Variants in SEMA3E observed in about 807,000 individuals in gnomAD.
SEMA3E encodes the protein semaphorin-3E.
Under a neutral mutation model 93.6 loss-of-function variants are expected in SEMA3E, and 49 were observed. The ratio of observed to expected loss-of-function variants is 0.52; its 90% CI spans 0.42 to 0.66. SEMA3E has a LOEUF of 0.66. Among genes scored for constraint, SEMA3E ranks in the 30% least tolerant of loss-of-function variants. The pLI is 0.00. For missense variants in SEMA3E, 906 were observed against 964.8 expected (o/e 0.94, Z 0.81); for synonymous variants, 363 against 330.7 (o/e 1.10, Z -1.06).
rs192893824 is a variant in SEMA3E at position 83,455,790 on chromosome 7, T to C, written c.456+10692A>G. 2.5e-3 allele frequency among the ~76,000 whole-genome samples: 381 copies of C among 152,372 alleles called. 1 individual carries two copies. The highest frequency in any genetic ancestry group is 8.7e-3 in the African/African-American group (361 of 41,588). On this transcript the variant is annotated intron_variant, in intron 4 of 16. Transcript: ENST00000643230. Reference sequence around the variant, plus strand: ...CAGGGCCGCATGGCAAGGAACTGCATGTGACCCCTAGGAGTTGACAGCAGC... The same window carrying C: ...CAGGGCCGCATGGCAAGGAACTGCACGTGACCCCTAGGAGTTGACAGCAGC...
At chr7:83,454,889 T>G (rs543698094) in intron 4 of SEMA3E, among the ~76,000 whole-genome samples, 1 of 152,348 alleles carries the variant, frequency 6.6e-6, no homozygotes, top group South Asian at 2.1e-4. Context: ...TACAAGCAAC[T>G]GGAAGACATC....
Position 83,496,203 on chromosome 7 carries a change from C to T in SEMA3E, c.116-5929G>A, listed in dbSNP as rs547518988. Among the ~76,000 whole-genome samples, 263 of 151,922 alleles carry T rather than the reference C, an allele frequency of 1.7e-3. 2 individuals carry two copies. Among genetic ancestry groups the T allele is most frequent in the African/African-American group, 5.7e-3 (238 of 41,490 alleles). ...GTCAGTGTTGGTGACAAAATTTGAA[C>T]GACAGAAGTTGACTGGAGAGCTTTG... is the stretch of plus-strand genomic sequence containing the variant. On this transcript the variant is annotated intron_variant, in intron 1 of 16. Coordinates refer to ENST00000643230, the MANE Select transcript of SEMA3E (RefSeq NM_012431.3).
intron 1 of SEMA3E, among the ~76,000 whole-genome samples, chr7:83,561,931 T>C (rs1167599616): frequency 6.6e-6 from 1 of 152,108 alleles, no homozygotes; most frequent in Non-Finnish European, 1.5e-5. Flanking sequence ...AGAAGCCCTT[T>C]TGAAAGAAAA....
intron 2 of SEMA3E, 53 bp from the exon 3 acceptor site, chr7:83,469,355 C>T (rs893800479): frequency 1.7e-5 from 21 of 1,225,552 alleles, no homozygotes; most frequent in Non-Finnish European, 1.8e-5. Context: ...AAATAAACCA[C>T]ACTGAAAACC....
At chr7:83,395,018 T>C (rs1470918010) in intron 12 of SEMA3E, among the ~76,000 whole-genome samples, 1 of 152,206 alleles carries the variant, frequency 6.6e-6, no homozygotes, top group African/African-American at 2.4e-5. Flanking sequence ...CTGGGGATGA[T>C]TATCCTTTGA....
chr7:83,460,485 C>T (rs1342609180), intron 4 of SEMA3E, among the ~76,000 whole-genome samples: 1 of 151,996 alleles, frequency 6.6e-6, no homozygotes, highest in Non-Finnish European at 1.5e-5. Flanking sequence ...GGACGCCGCT[C>T]TGATTATTTA....
At chr7:83,417,224 A>G (rs1447959558) in intron 5 of SEMA3E, among the ~76,000 whole-genome samples, 3 of 152,074 alleles carry the variant, frequency 2.0e-5, no homozygotes, top group African/African-American at 4.8e-5. Context: ...AGTTAACATG[A>G]GGTGTTTGCT....
At chr7:83,453,421 GAAAAA>G (rs34099626) in intron 4 of SEMA3E, among the ~76,000 whole-genome samples, 1 of 136,898 alleles carries the variant, frequency 7.3e-6, no homozygotes, top group Non-Finnish European at 1.6e-5. Flanking sequence ...TCTCCCTACT[GAAAAA>G]AAAAAAAAAA....
chr7:83,579,996 G>C (rs169992), intron 1 of SEMA3E, among the ~76,000 whole-genome samples: 64,619 of 151,772 alleles, frequency 0.43, 14,799 homozygotes, highest in African/African-American at 0.6. Flanking sequence ...TTTAGTCAAC[G>C]AAAGCATACT....
chr7:83,443,147 T>C (rs1789153999), intron 4 of SEMA3E, among the ~76,000 whole-genome samples: 1 of 152,184 alleles, frequency 6.6e-6, no homozygotes, highest in African/African-American at 2.4e-5. Flanking sequence ...CTGCCCATAC[T>C]AACCATCAAA....
chr7:83,373,191 C>T (rs1794773735), intron 16 of SEMA3E: 1 of 152,002 alleles, frequency 6.6e-6, no homozygotes, highest in Non-Finnish European at 1.5e-5. Context: ...CATCTGGTAG[C>T]TGGTCAGGAA....
chr7:83,632,410 G>T (rs1391466612), intron 1 of SEMA3E, among the ~76,000 whole-genome samples: 1 of 152,140 alleles, frequency 6.6e-6, no homozygotes, highest in East Asian at 1.9e-4. Flanking sequence ...TTGTGGGAGG[G>T]ACCCAGTGGG....
At chr7:83,561,376 A>G (rs544594699) in intron 1 of SEMA3E, among the ~76,000 whole-genome samples, 1 of 152,198 alleles carries the variant, frequency 6.6e-6, no homozygotes, top group East Asian at 1.9e-4. Context: ...ATTGCCTTAG[A>G]AATCTGACTA....
chr7:83,408,275 T>G, intron 6 of SEMA3E, 93 bp downstream of exon 6: 1 of 1,425,108 alleles, frequency 7.0e-7, no homozygotes, highest in Non-Finnish European at 9.8e-7. Flanking sequence ...GGAATTGTAT[T>G]TATATTCTTA....
chr7:83,644,564 C>A, intron 1 of SEMA3E, among the ~76,000 whole-genome samples: 1 of 151,690 alleles, frequency 6.6e-6, no homozygotes, highest in African/African-American at 2.4e-5. Context: ...TCTCAAAAAC[C>A]CAGTAAAATG....
intron 1 of SEMA3E, among the ~76,000 whole-genome samples, chr7:83,541,636 A>C (rs1166206073): frequency 6.6e-6 from 1 of 152,106 alleles, no homozygotes; most frequent in East Asian, 1.9e-4. Context: ...ATTTTGGCTT[A>C]ACTTTGCCCT....
chr7:83,646,737 C>CA (rs1179444423), intron 1 of SEMA3E, among the ~76,000 whole-genome samples: 2 of 151,978 alleles, frequency 1.3e-5, no homozygotes, highest in Admixed American at 1.3e-4. Flanking sequence ...TTATGCATAA[C>CA]ATTTACTTGT....
At chr7:83,429,638 C>A (rs557992009) in intron 4 of SEMA3E, among the ~76,000 whole-genome samples, 18 of 152,296 alleles carry the variant, frequency 1.2e-4, no homozygotes, top group Middle Eastern at 6.8e-3. Flanking sequence ...GGAAGTCTAA[C>A]CTCAAGAATG....
intron 2 of SEMA3E, among the ~76,000 whole-genome samples, chr7:83,476,733 G>T (rs1027099144): frequency 6.6e-6 from 1 of 152,108 alleles, no homozygotes; most frequent in Non-Finnish European, 1.5e-5. Flanking sequence ...GATGCCTTTT[G>T]GTTCTGCTCC....
Sources: gnomAD v4.1 joint callset for allele counts (sites outside exome capture counted in the v4.1 genomes callset) on GRCh38, gnomAD v4.1.1 for gene constraint, MANE v1.5 for transcripts, NCBI Gene and HGNC (gene_info 2026-07-23, HGNC 2026-07-21) for gene names.